Variants in NECAB1 observed in about 807,000 individuals in gnomAD.
NECAB1 encodes N-terminal EF-hand calcium-binding protein 1.
NECAB1 carries 29 observed loss-of-function variants against 57.5 expected under a neutral mutation model. The ratio of observed to expected loss-of-function variants is 0.50; its 90% confidence interval spans 0.38 to 0.69. The LOEUF is 0.69. Among genes scored for constraint, NECAB1 ranks in the 30% least tolerant of loss-of-function variants. NECAB1 has a pLI of 0.00. For synonymous variants in NECAB1, 142 were observed against 147.7 expected, an observed-to-expected ratio of 0.96 and a Z score of 0.28; for missense variants, 372 against 413.8, an observed-to-expected ratio of 0.90 and a Z score of 0.88.
intron 9 of NECAB1, among the ~76,000 whole-genome samples, chr8:90,934,863 A>T (rs1343429274): frequency 6.6e-6 from 1 of 152,196 alleles, no homozygotes; most frequent in Non-Finnish European, 1.5e-5. Flanking sequence ...CCAGAGTGGC[A>T]GCAGTTTTTG....
At chr8:90,954,921 T>G (rs1454944881) in intron 12 of NECAB1, among the ~76,000 whole-genome samples, 5 of 147,930 alleles carry the variant, frequency 3.4e-5, no homozygotes, top group African/African-American at 1.2e-4. Context: ...TGTATACAAA[T>G]GCATATGTAT....
At chr8:90,941,677 T>C in intron 10 of NECAB1, among the ~76,000 whole-genome samples, 1 of 152,312 alleles carries the variant, frequency 6.6e-6, no homozygotes, top group Non-Finnish European at 1.5e-5. Flanking sequence ...ATCACTACTA[T>C]TATTTGTTCT....
chr8:90,842,973 T>C (rs755619057), intron 3 of NECAB1, among the ~76,000 whole-genome samples: 3 of 152,198 alleles, frequency 2.0e-5, no homozygotes, highest in Non-Finnish European at 2.9e-5. Flanking sequence ...CATACTGCTA[T>C]GAAGAAATAC....
intron 4 of NECAB1, among the ~76,000 whole-genome samples, chr8:90,878,518 A>C (rs950039356): frequency 2.0e-5 from 3 of 152,192 alleles, no homozygotes; most frequent in Non-Finnish European, 2.9e-5. Context: ...AAGTTATAAA[A>C]GAGCCTTAGT....
intron 3 of NECAB1, among the ~76,000 whole-genome samples, chr8:90,832,989 A>C (rs1282274646): frequency 3.3e-5 from 5 of 152,178 alleles, no homozygotes; most frequent in Non-Finnish European, 2.9e-5. Flanking sequence ...TAACAGTAGA[A>C]TATATTTGAT....
At chr8:90,880,337 GT>G (rs937659701) in intron 4 of NECAB1, among the ~76,000 whole-genome samples, 28 of 152,096 alleles carry the variant, frequency 1.8e-4, no homozygotes, top group African/African-American at 6.7e-4. Flanking sequence ...TGTTAAGCTA[GT>G]TTGCTTTCAT....
intron 3 of NECAB1, among the ~76,000 whole-genome samples, chr8:90,860,240 T>C (rs1812876009): frequency 7.9e-6 from 1 of 127,272 alleles, no homozygotes; most frequent in Admixed American, 7.3e-5. Context: ...TTTTTTTTCT[T>C]TTTTTTTTTT....
intron 6 of NECAB1, 80 bp downstream of exon 6, chr8:90,917,708 A>G (rs932452102): frequency 2.3e-6 from 3 of 1,299,412 alleles, no homozygotes; most frequent in African/African-American, 3.0e-5. Flanking sequence ...TTGTACTTAC[A>G]CTAGCAAAAA....
chr8:90,890,941 T>C (rs986398073), intron 5 of NECAB1, among the ~76,000 whole-genome samples: 2 of 152,206 alleles, frequency 1.3e-5, no homozygotes, highest in Non-Finnish European at 2.9e-5. Context: ...GTAAGACTAA[T>C]AAATAGGAAA....
At chr8:90,822,502 C>G (rs1812158086) in intron 2 of NECAB1, among the ~76,000 whole-genome samples, 2 of 151,950 alleles carry the variant, frequency 1.3e-5, no homozygotes, top group South Asian at 4.1e-4. Context: ...TAAGCTAATG[C>G]TTCCTTTTTC....
At chr8:90,797,526 A>AT (rs1234078808) in intron 1 of NECAB1, among the ~76,000 whole-genome samples, 1 of 152,200 alleles carries the variant, frequency 6.6e-6, no homozygotes, top group Non-Finnish European at 1.5e-5. Context: ...CGATCTAAAT[A>AT]TAAGAGTAGC....
At chr8:90,810,476 T>C (rs1811939824) in intron 2 of NECAB1, among the ~76,000 whole-genome samples, 1 of 152,246 alleles carries the variant, frequency 6.6e-6, no homozygotes, top group Non-Finnish European at 1.5e-5. Flanking sequence ...ACTAATTCAT[T>C]AACCTCTCTG....
At chr8:90,950,853 A>G (rs1810911481) in intron 11 of NECAB1, among the ~76,000 whole-genome samples, 1 of 152,130 alleles carries the variant, frequency 6.6e-6, no homozygotes, top group Admixed American at 6.6e-5. Context: ...ATTTGGTGCA[A>G]TAAAATCTAC....
At chr8:90,872,751 G>T (rs1384370767) in intron 4 of NECAB1, among the ~76,000 whole-genome samples, 1 of 152,058 alleles carries the variant, frequency 6.6e-6, no homozygotes, top group Non-Finnish European at 1.5e-5. Context: ...TGAAAAAATA[G>T]AACATTATGA....
At chr8:90,955,112 T>TTAATTATA (rs1234665098) in intron 12 of NECAB1, among the ~76,000 whole-genome samples, 19 of 70,814 alleles carry the variant, frequency 2.7e-4, no homozygotes, top group Admixed American at 7.6e-4. Flanking sequence ...GGTATATAAA[T>TTAATTATA]TATATATATA....
At chr8:90,801,261 C>G (rs533784494) in intron 1 of NECAB1, among the ~76,000 whole-genome samples, 149 of 152,272 alleles carry the variant, frequency 9.8e-4, no homozygotes, top group African/African-American at 3.4e-3. Context: ...CCACCCTCCC[C>G]TGCCCTGCCC....
At chr8:90,794,219 ATT>A (rs2130636218) in intron 1 of NECAB1, among the ~76,000 whole-genome samples, 1 of 152,306 alleles carries the variant, frequency 6.6e-6, no homozygotes, top group African/African-American at 2.4e-5. Context: ...ATGAAAAATG[ATT>A]TGTTACTTAG....
chr8:90,908,110 A>G (rs780754142), intron 5 of NECAB1, among the ~76,000 whole-genome samples: 56 of 152,196 alleles, frequency 3.7e-4, no homozygotes, highest in Non-Finnish European at 7.2e-4. Flanking sequence ...TTAACTCAAC[A>G]TATTATAGGA....
chr8:90,945,229 G>A (rs997793355), intron 10 of NECAB1, among the ~76,000 whole-genome samples: 4 of 151,766 alleles, frequency 2.6e-5, no homozygotes, highest in South Asian at 2.1e-4. Flanking sequence ...TGCCACACCC[G>A]GCTAATTTTT....
Sources: gnomAD v4.1 joint callset for allele counts (sites outside exome capture counted in the v4.1 genomes callset) on GRCh38, gnomAD v4.1.1 for gene constraint, MANE v1.5 for transcripts, NCBI Gene and HGNC (gene_info 2026-07-23, HGNC 2026-07-21) for gene names.